The following PRKACB variants were observed in gnomAD, a reference collection of about 807,000 sequenced individuals.
PRKACB encodes protein kinase cAMP-activated catalytic subunit beta, also known as cAMP-dependent protein kinase catalytic subunit beta.
PRKACB carries 16 observed loss-of-function variants against 51.4 expected under a neutral mutation model. The ratio of observed to expected loss-of-function variants is 0.31; its 90% CI spans 0.21 to 0.47. PRKACB has a LOEUF of 0.47. Among genes scored for constraint, PRKACB ranks in the 20% least tolerant of loss-of-function variants. The pLI, the probability that PRKACB is intolerant of heterozygous loss-of-function variation, is 1.00. For missense variants in PRKACB, 309 were observed against 464.5 expected (o/e 0.67, Z 3.08); for synonymous variants, 147 against 154.4 (o/e 0.95, Z 0.35).
At chr1:84,234,169 G>T (rs1478724813) in intron 9 of PRKACB, among the ~76,000 whole-genome samples, 2 of 152,118 alleles carry the variant, frequency 1.3e-5, no homozygotes, top group South Asian at 2.1e-4. Context: ...TGGAGTACCT[G>T]GCCCTATGAG....
chr1:84,220,346 A>C (rs1673515509), intron 9 of PRKACB, among the ~76,000 whole-genome samples: 2 of 152,060 alleles, frequency 1.3e-5, no homozygotes, highest in South Asian at 4.1e-4. Context: ...AGTTCTAAGA[A>C]TATTCTGGTG....
chr1:84,233,412 G>C (rs1249120712), intron 9 of PRKACB, among the ~76,000 whole-genome samples: 1 of 135,438 alleles, frequency 7.4e-6, no homozygotes, highest in Non-Finnish European at 1.6e-5. Context: ...TCTTCTCGAG[G>C]AGTATCTTTG....
At chr1:84,201,563 TAAA>T (rs1298394125) in intron 7 of PRKACB, among the ~76,000 whole-genome samples, 1 of 151,992 alleles carries the variant, frequency 6.6e-6, no homozygotes, top group East Asian at 1.9e-4. Flanking sequence ...CTCCTTCCCT[TAAA>T]AAGATATACA....
intron 1 of PRKACB, among the ~76,000 whole-genome samples, chr1:84,113,697 C>A (rs1305215334): frequency 1.3e-5 from 2 of 152,062 alleles, no homozygotes; most frequent in Non-Finnish European, 2.9e-5. Flanking sequence ...ATACATGCTG[C>A]AACATGATAA....
chr1:84,171,886 CA>C (rs1558095052), intron 1 of PRKACB, among the ~76,000 whole-genome samples: 1 of 151,318 alleles, frequency 6.6e-6, no homozygotes, highest in African/African-American at 2.4e-5. Flanking sequence ...CAGCAACAAA[CA>C]AAAAAGGTAA....
chr1:84,160,398 T>C lies in PRKACB; in HGVS notation c.187+15850T>C, dbSNP rs373711808. Among the ~76,000 whole-genome samples the C allele has an allele frequency of 1.3e-3, 202 of 151,572 alleles. 2 individuals are homozygous for C. Among genetic ancestry groups the C allele is most frequent in the African/African-American group, 4.7e-3 (196 of 41,484 alleles). On this transcript the variant is annotated intron_variant, in intron 1 of 9. Coordinates refer to ENST00000370685, the MANE Select transcript of PRKACB (RefSeq NM_182948.4). ...TTATCTAGCATCAGTGGTGATATCA[T>C]AGTTTCATTACTGATTTCTGTAATT... is the stretch of plus-strand genomic sequence containing the variant.
intron 9 of PRKACB, 112 bp downstream of exon 9, chr1:84,214,429 T>G: frequency 9.4e-7 from 1 of 1,059,140 alleles, no homozygotes; most frequent in Non-Finnish European, 1.3e-6. Context: ...CCTTTTGAAT[T>G]AATCTTGTGC....
upstream of PRKACB, among the ~76,000 whole-genome samples, chr1:84,141,883 A>G (rs1407906847): frequency 3.3e-5 from 5 of 152,128 alleles, no homozygotes; most frequent in Non-Finnish European, 5.9e-5. Context: ...GGAAAACAAG[A>G]AGTTAAGAAG....
chr1:84,087,602 G>A (rs1262737748), intron 1 of PRKACB, among the ~76,000 whole-genome samples: 1 of 151,910 alleles, frequency 6.6e-6, no homozygotes, highest in African/African-American at 2.4e-5. Context: ...TTACTGTGTT[G>A]CCCAGGCTGG....
intron 1 of PRKACB, chr1:84,174,903 A>G: frequency 1.2e-6 from 1 of 849,056 alleles, no homozygotes; most frequent in Non-Finnish European, 1.6e-6. Flanking sequence ...CATACAATCA[A>G]ATAATTGAAT....
intron 1 of PRKACB, among the ~76,000 whole-genome samples, chr1:84,162,771 TTGTC>T (rs1656372894): frequency 1.3e-5 from 2 of 151,898 alleles, no homozygotes; most frequent in South Asian, 2.1e-4. Context: ...TTTAAAGCCT[TTGTC>T]TGCTAAATTC....
intron 1 of PRKACB, among the ~76,000 whole-genome samples, chr1:84,078,530 T>A (rs1385490573): frequency 6.6e-6 from 1 of 152,152 alleles, no homozygotes; most frequent in Admixed American, 6.5e-5. Flanking sequence ...GCCTTTCTCC[T>A]CCATTCCGAC....
chr1:84,112,036 T>C (rs1650271817), intron 1 of PRKACB, among the ~76,000 whole-genome samples: 2 of 152,114 alleles, frequency 1.3e-5, no homozygotes, highest in African/African-American at 4.8e-5. Flanking sequence ...AGTTTACTTA[T>C]TATATTAATA....
At chr1:84,102,611 T>G (rs974273230) in intron 1 of PRKACB, among the ~76,000 whole-genome samples, 1 of 151,994 alleles carries the variant, frequency 6.6e-6, no homozygotes, top group Admixed American at 6.6e-5. Context: ...ACCCACAGAG[T>G]TTTAAAAGAA....
At chr1:84,199,742 T>C (rs1318117650) in intron 7 of PRKACB, among the ~76,000 whole-genome samples, 1 of 152,218 alleles carries the variant, frequency 6.6e-6, no homozygotes, top group African/African-American at 2.4e-5. Flanking sequence ...CTTTCCACAA[T>C]GGTTGAACTA....
intron 1 of PRKACB, among the ~76,000 whole-genome samples, chr1:84,154,931 C>T (rs1023634648): frequency 1.3e-5 from 2 of 152,040 alleles, no homozygotes; most frequent in South Asian, 2.1e-4. Flanking sequence ...ATCTTAATAG[C>T]GGTGAAAAGA....
Position 84,196,747 on chromosome 1 carries a change from G to T in PRKACB, c.687+5G>T. ...GACCATCAAGGCTATATCCAGGTAT[G>T]ACTTTAACACATTATGTGTACTGTA... is the stretch of plus-strand genomic sequence containing the variant. On this transcript the variant is annotated splice_donor_5th_base_variant and intron_variant, in intron 6 of 9. Transcript: ENST00000370685. 2 of 1,611,316 alleles carry T rather than the reference G, an allele frequency of 1.2e-6. No homozygotes were observed. The highest frequency in any genetic ancestry group is 2.2e-5 in the South Asian group (2 of 90,886).
intron 1 of PRKACB, among the ~76,000 whole-genome samples, chr1:84,146,788 G>A (rs942498927): frequency 2.6e-5 from 4 of 151,936 alleles, no homozygotes; most frequent in African/African-American, 4.8e-5. Context: ...AGTTTCTTTC[G>A]TGTCCAGTGA....
chr1:84,137,179 T>G (rs984207406), intron 1 of PRKACB, among the ~76,000 whole-genome samples: 2 of 152,128 alleles, frequency 1.3e-5, no homozygotes, highest in Admixed American at 1.3e-4. Flanking sequence ...TATAGCAGCA[T>G]GAAAACAGAC....
Sources: allele counts gnomAD v4.1 joint callset (sites outside exome capture counted in the v4.1 genomes callset), GRCh38; gene constraint gnomAD v4.1.1; transcripts MANE v1.5; gene names NCBI Gene and HGNC (gene_info 2026-07-23, HGNC 2026-07-21).